The following LEKR1 variants were observed in gnomAD, a reference collection of about 807,000 sequenced individuals.
LEKR1 encodes leucine, glutamate and lysine rich 1.
A neutral mutation model predicts 72.4 loss-of-function variants in LEKR1; 59 were observed. That is an observed-to-expected ratio of 0.82 (90% CI 0.66 to 1.01). LEKR1 has a LOEUF of 1.01. Among genes scored for constraint, LEKR1 ranks in the 50% least tolerant of loss-of-function variants. The probability of loss-of-function intolerance (pLI) is 0.00; values close to 1 mark genes in which losing one functional copy is unlikely to be tolerated. For synonymous variants in LEKR1, 257 were observed against 263.2 expected, an observed-to-expected ratio of 0.98 and a Z score of 0.23; for missense variants, 728 against 759.2, an observed-to-expected ratio of 0.96 and a Z score of 0.48.
intron 6 of LEKR1, among the ~76,000 whole-genome samples, chr3:156,973,220 G>T (rs1303514736): frequency 6.6e-6 from 1 of 151,946 alleles, no homozygotes; most frequent in Non-Finnish European, 1.5e-5. Context: ...CATGTCTCAA[G>T]CACTATAACA....
At chr3:156,839,719 A>G (rs1713639857) in intron 2 of LEKR1, among the ~76,000 whole-genome samples, 1 of 152,144 alleles carries the variant, frequency 6.6e-6, no homozygotes, top group Non-Finnish European at 1.5e-5. Flanking sequence ...AAACAAATTG[A>G]TGCTAGATAA....
At chr3:156,869,880 T>C (rs1422608071) in intron 3 of LEKR1, among the ~76,000 whole-genome samples, 2 of 152,084 alleles carry the variant, frequency 1.3e-5, no homozygotes, top group Non-Finnish European at 2.9e-5. Context: ...AGTTGATTTC[T>C]GTATATGGTG....
At chr3:156,912,813 T>G (rs1723248455) in intron 3 of LEKR1, among the ~76,000 whole-genome samples, 1 of 152,198 alleles carries the variant, frequency 6.6e-6, no homozygotes, top group Admixed American at 6.5e-5. Flanking sequence ...CTGCTCTTAC[T>G]TTTATATGTC....
intron 9 of LEKR1, among the ~76,000 whole-genome samples, chr3:156,999,325 A>G (rs542190301): frequency 1.3e-5 from 2 of 152,256 alleles, no homozygotes; most frequent in Admixed American, 1.3e-4. Flanking sequence ...GTTTTCAAAT[A>G]TATGGCAGGA....
intron 6 of LEKR1, among the ~76,000 whole-genome samples, chr3:156,959,985 G>T (rs561932786): frequency 3.9e-5 from 6 of 152,022 alleles, no homozygotes; most frequent in African/African-American, 1.2e-4. Flanking sequence ...TTAATTGAAA[G>T]CATGCTAAGC....
At chr3:157,037,533 G>A (rs748145944) in intron 12 of LEKR1, among the ~76,000 whole-genome samples, 14 of 152,060 alleles carry the variant, frequency 9.2e-5, no homozygotes, top group Non-Finnish European at 1.9e-4. Flanking sequence ...AAAAAATTAA[G>A]ACAAAGCAGA....
At chr3:156,880,679 C>T (rs1476314786) in intron 3 of LEKR1, among the ~76,000 whole-genome samples, 3 of 152,254 alleles carry the variant, frequency 2.0e-5, no homozygotes, top group African/African-American at 4.8e-5. Context: ...ATACCAAAGC[C>T]GGGCAGAGAC....
chr3:156,996,231 T>C (rs1320235197), intron 9 of LEKR1, among the ~76,000 whole-genome samples: 6 of 152,104 alleles, frequency 3.9e-5, no homozygotes, highest in African/African-American at 1.4e-4. Context: ...TAAAAATTGA[T>C]AGAAGAGGTG....
chr3:157,010,930 GA>G (rs1245805435), intron 9 of LEKR1, among the ~76,000 whole-genome samples: 1 of 152,050 alleles, frequency 6.6e-6, no homozygotes, highest in Non-Finnish European at 1.5e-5. Flanking sequence ...CAATATTTGA[GA>G]TAAGTAAAAG....
intron 2 of LEKR1, among the ~76,000 whole-genome samples, chr3:156,829,693 A>G (rs1319216595): frequency 6.6e-6 from 1 of 152,204 alleles, no homozygotes; most frequent in South Asian, 2.1e-4. Context: ...CTAAGCCTCT[A>G]TTATGGTTTG....
chr3:156,948,760 G>A (rs1451520435), intron 6 of LEKR1, among the ~76,000 whole-genome samples: 1 of 151,410 alleles, frequency 6.6e-6, no homozygotes, highest in East Asian at 1.9e-4. Context: ...TTTCCACAAT[G>A]TTGAACTAAT....
chr3:156,861,221 T>C (rs1716727893), intron 3 of LEKR1, among the ~76,000 whole-genome samples: 1 of 152,162 alleles, frequency 6.6e-6, no homozygotes, highest in Non-Finnish European at 1.5e-5. Flanking sequence ...AAAAATAGTA[T>C]CTTGAGAAAA....
At chr3:156,894,717 A>G (rs906028830) in intron 3 of LEKR1, among the ~76,000 whole-genome samples, 1 of 152,206 alleles carries the variant, frequency 6.6e-6, no homozygotes, top group African/African-American at 2.4e-5. Context: ...AGAACAGGAA[A>G]GAGAACCCAG....
intron 12 of LEKR1, among the ~76,000 whole-genome samples, chr3:157,039,047 A>C (rs368828851): frequency 6.6e-6 from 1 of 152,174 alleles, no homozygotes; most frequent in Non-Finnish European, 1.5e-5. Flanking sequence ...ATTGCCCAAC[A>C]ATCTCCTAGC....
At chr3:156,905,905 C>T (rs922511609) in intron 3 of LEKR1, among the ~76,000 whole-genome samples, 1 of 152,030 alleles carries the variant, frequency 6.6e-6, no homozygotes, top group Admixed American at 6.6e-5. Flanking sequence ...CTAATTTTCC[C>T]CTTGATATTT....
chr3:156,964,643 G>C (rs1341917783), intron 6 of LEKR1, among the ~76,000 whole-genome samples: 2 of 151,998 alleles, frequency 1.3e-5, no homozygotes, highest in Admixed American at 1.3e-4. Context: ...CTATTTTACT[G>C]CCATCCTAGC....
At chr3:156,951,598 G>A (rs1372222190) in intron 6 of LEKR1, among the ~76,000 whole-genome samples, 1 of 151,644 alleles carries the variant, frequency 6.6e-6, no homozygotes, top group Non-Finnish European at 1.5e-5. Flanking sequence ...GAGGGTGTAT[G>A]TGTCCAGGTA....
intron 6 of LEKR1, among the ~76,000 whole-genome samples, chr3:156,951,021 T>C (rs2107975574): frequency 6.6e-6 from 1 of 151,818 alleles, no homozygotes; most frequent in East Asian, 1.9e-4. Context: ...ACAGCTCTTA[T>C]TTTGAGGTCT....
chr3:157,002,797 G>T (rs1732115220), intron 9 of LEKR1, among the ~76,000 whole-genome samples: 1 of 152,060 alleles, frequency 6.6e-6, no homozygotes, highest in Non-Finnish European at 1.5e-5. Flanking sequence ...AAAATTCAGT[G>T]AATAATTATC....
Sources: allele counts gnomAD v4.1 joint callset (sites outside exome capture counted in the v4.1 genomes callset), GRCh38; gene constraint gnomAD v4.1.1; transcripts MANE v1.5; gene names NCBI Gene and HGNC (gene_info 2026-07-23, HGNC 2026-07-21).